Variants in RBL1 observed in about 807,000 individuals in gnomAD.
The protein encoded by RBL1 is retinoblastoma-like protein 1.
A neutral mutation model predicts 123.0 loss-of-function variants in RBL1; 82 were observed. The observed-to-expected ratio is 0.67, with a 90% CI of 0.56 to 0.80. The LOEUF is 0.80. RBL1 is among the 30% of genes least tolerant of loss of function. The probability of loss-of-function intolerance (pLI) is 0.00; values close to 1 mark genes in which losing one functional copy is unlikely to be tolerated. For synonymous variants in RBL1, 405 were observed against 441.3 expected (o/e 0.92, Z 1.03); for missense variants, 1,171 against 1,299.6 (o/e 0.90, Z 1.52).
chr20:37,008,672 A>G (rs553600109), intron 19 of RBL1, among the ~76,000 whole-genome samples: 1 of 152,334 alleles, frequency 6.6e-6, no homozygotes, highest in Non-Finnish European at 1.5e-5. Context: ...CTCATTCTCA[A>G]TACACTGGCC....
intron 13 of RBL1, among the ~76,000 whole-genome samples, chr20:37,043,218 AAGCCTCT>A (rs879789558): frequency 6.6e-6 from 1 of 151,024 alleles, no homozygotes; most frequent in Non-Finnish European, 1.5e-5. Flanking sequence ...GCGGTGGCTC[AAGCCTCT>A]AGCCTCTAAT....
intron 19 of RBL1, among the ~76,000 whole-genome samples, chr20:37,014,660 C>T (rs891870846): frequency 1.3e-4 from 19 of 151,662 alleles, no homozygotes; most frequent in African/African-American, 4.6e-4. Context: ...TTAGCCAGGA[C>T]GTGGCTGAGT....
At chr20:37,065,824 G>C (rs898724649) in intron 6 of RBL1, among the ~76,000 whole-genome samples, 5 of 152,088 alleles carry the variant, frequency 3.3e-5, no homozygotes, top group African/African-American at 1.2e-4. Context: ...ATGTTGCTCA[G>C]GTTCGTCTGG....
chr20:37,041,238 A>G (rs527468788), intron 13 of RBL1, among the ~76,000 whole-genome samples: 16 of 152,228 alleles, frequency 1.1e-4, no homozygotes, highest in African/African-American at 3.9e-4. Flanking sequence ...GACAAAAAAA[A>G]CCCCACAATT....
chr20:37,058,467 A>T (rs1403014675), intron 9 of RBL1, among the ~76,000 whole-genome samples: 1 of 151,436 alleles, frequency 6.6e-6, no homozygotes, highest in Non-Finnish European at 1.5e-5. Flanking sequence ...GTGAGCCAAG[A>T]TCATGTCATT....
chr20:37,046,907 C>T (rs2064826377), intron 12 of RBL1, 146 bp downstream of exon 12: 2 of 1,245,820 alleles, frequency 1.6e-6, no homozygotes, highest in African/African-American at 3.2e-5. Context: ...GCCACCATGC[C>T]TAGCCAGGAA....
intron 2 of RBL1, 56 bp downstream of exon 2, chr20:37,088,933 A>G (rs573305953): frequency 8.0e-7 from 1 of 1,256,982 alleles, no homozygotes; most frequent in South Asian, 2.5e-5. Flanking sequence ...AACAAGAGAA[A>G]ACTGATTCCA....
At chr20:37,083,983 A>C (rs561511629) in intron 2 of RBL1, among the ~76,000 whole-genome samples, 2 of 147,298 alleles carry the variant, frequency 1.4e-5, no homozygotes, top group East Asian at 4.1e-4. Context: ...ATCATAACTC[A>C]CTGCAGCCTC....
At position 37,070,384 on chromosome 20, in the gene RBL1, G is replaced by A. The variant is rs548250102; in HGVS notation, c.291-2198C>T. On this transcript the variant is annotated intron_variant, in intron 2 of 21. Transcript: ENST00000373664. ...GAAAACCAGAGACCTTTGTTCACTT[G>A]TTTATCTGCTGACCTTCCCTCCACT... Among the ~76,000 whole-genome samples, 49 of 152,074 alleles carry A rather than the reference G, an allele frequency of 3.2e-4. 1 individual carries two copies. Among genetic ancestry groups the A allele is most frequent in the African/African-American group, 1.2e-3 (49 of 41,508 alleles).
chr20:37,043,181 C>T (rs2064761334), intron 13 of RBL1, among the ~76,000 whole-genome samples: 1 of 151,400 alleles, frequency 6.6e-6, no homozygotes, highest in East Asian at 1.9e-4. Context: ...CACACACACA[C>T]ACACAATTAG....
chr20:37,012,532 G>C (rs1421302723), intron 19 of RBL1, among the ~76,000 whole-genome samples: 1 of 151,200 alleles, frequency 6.6e-6, no homozygotes, highest in African/African-American at 2.4e-5. Flanking sequence ...TCTGGGATGT[G>C]AGGAGCGCCT....
At chr20:37,092,169 T>C (rs950925454) in intron 1 of RBL1, among the ~76,000 whole-genome samples, 2 of 152,002 alleles carry the variant, frequency 1.3e-5, no homozygotes, top group African/African-American at 4.8e-5. Context: ...CCTGAGGCCC[T>C]TTTTTTGTCT....
intron 2 of RBL1, among the ~76,000 whole-genome samples, chr20:37,076,616 G>A (rs548408993): frequency 3.9e-5 from 6 of 152,268 alleles, no homozygotes; most frequent in African/African-American, 1.4e-4. Context: ...TTTATTTCTC[G>A]AATTTTCCAT....
At chr20:37,065,537 G>A (rs1458032162) in intron 6 of RBL1, 64 bp from the exon 7 acceptor site, 4 of 1,052,834 alleles carry the variant, frequency 3.8e-6, no homozygotes, top group African/African-American at 3.2e-5. Context: ...ACACAAACGT[G>A]AAATTTATCT....
In RBL1 at chr20:36,998,709, T is replaced by A. The variant is rs1270047986; in HGVS notation, c.*50A>T. The A allele has an allele frequency of 1.3e-6, 2 of 1,517,612 alleles. No homozygotes were observed. Among genetic ancestry groups the A allele is most frequent in the Non-Finnish European group, 1.8e-6 (2 of 1,115,722 alleles). 94.0% of individuals were successfully genotyped at this position (1,517,612 alleles called of 1,614,324 possible). A position where few individuals can be genotyped will look rare whatever the true frequency, so the allele number is the denominator to read the frequency against. ...AAGGTTTGAAGGACAGAGCTCCAAC[T>A]TTCTGCAGAACAATCTGAAAGTGCT... On this transcript the variant is annotated 3_prime_UTR_variant, in exon 22 of 22. Transcript: ENST00000373664.
chr20:37,069,845 T>TGG (rs1270513180), intron 2 of RBL1, among the ~76,000 whole-genome samples: 1 of 139,080 alleles, frequency 7.2e-6, no homozygotes, highest in African/African-American at 2.8e-5. Flanking sequence ...GGGAGGGAGG[T>TGG]GGGGGGGTCA....
intron 2 of RBL1, among the ~76,000 whole-genome samples, chr20:37,074,097 C>T (rs369309624): frequency 6.6e-5 from 10 of 151,778 alleles, no homozygotes; most frequent in South Asian, 6.3e-4. Context: ...GGCAACAGAG[C>T]GAGACACTGT....
chr20:37,001,812 G>C (rs529068916), intron 21 of RBL1, among the ~76,000 whole-genome samples: 1 of 145,008 alleles, frequency 6.9e-6, no homozygotes, highest in South Asian at 2.2e-4. Context: ...CATTATGCAA[G>C]AGTCCTATGG....
intron 2 of RBL1, among the ~76,000 whole-genome samples, chr20:37,082,463 CA>C (rs1433761257): frequency 6.6e-6 from 1 of 151,508 alleles, no homozygotes; most frequent in African/African-American, 2.4e-5. Flanking sequence ...ACTCCACCAC[CA>C]ACACCATACA....
Sources: allele counts gnomAD v4.1 joint callset (sites outside exome capture counted in the v4.1 genomes callset), GRCh38; gene constraint gnomAD v4.1.1; transcripts MANE v1.5; gene names NCBI Gene and HGNC (gene_info 2026-07-23, HGNC 2026-07-21).